Variants in MACF1 observed in about 807,000 individuals in gnomAD.
The protein encoded by MACF1 is microtubule-actin cross-linking factor 1.
A neutral mutation model predicts 854.8 loss-of-function variants in MACF1; 193 were observed. The observed-to-expected ratio is 0.23, with a 90% CI of 0.20 to 0.25. The LOEUF (loss-of-function observed/expected upper bound fraction) is 0.25, where lower values mean the gene tolerates loss of function less well. Ranked by LOEUF, MACF1 falls within the 10% of genes least tolerant of loss-of-function variation. MACF1 has a pLI of 1.00. For missense variants in MACF1, 7,722 were observed against 8,929.1 expected (o/e 0.86, Z 5.45); for synonymous variants, 3,185 against 3,226.7 (o/e 0.99, Z 0.44).
At position 39,221,636 on chromosome 1, in the gene MACF1, G is replaced by A. The variant is rs546304820; in HGVS notation, c.110-9546G>A. Among the ~76,000 whole-genome samples the A allele has an allele frequency of 5.1e-4, 77 of 152,190 alleles. 1 individual carries two copies. Among genetic ancestry groups the A allele is most frequent in the Non-Finnish European group, 9.3e-4 (63 of 68,012 alleles). ...TCTTGAACTCTGCCATTCCTTACCCGCCACCACATCTAAAGGCTATTTAAA... is the reference window on the plus strand; with the variant it reads ...TCTTGAACTCTGCCATTCCTTACCCACCACCACATCTAAAGGCTATTTAAA... On this transcript the variant is annotated intron_variant, in intron 1 of 100. Transcript: ENST00000564288.
intron 36 of MACF1, among the ~76,000 whole-genome samples, chr1:39,328,970 C>T (rs1486963926): frequency 6.6e-6 from 1 of 152,146 alleles, no homozygotes; most frequent in Non-Finnish European, 1.5e-5. Context: ...GAAAAGTTCT[C>T]AAAGGGATGT....
intron 99 of MACF1, among the ~76,000 whole-genome samples, chr1:39,482,368 G>A (rs1448271341): frequency 6.6e-6 from 1 of 152,144 alleles, no homozygotes; most frequent in Non-Finnish European, 1.5e-5. Context: ...AAGAAGTACA[G>A]CAAACAATGA....
intron 2 of MACF1, among the ~76,000 whole-genome samples, chr1:39,174,241 CT>C (rs1286493665): frequency 1.3e-5 from 2 of 152,166 alleles, no homozygotes; most frequent in Non-Finnish European, 2.9e-5. Flanking sequence ...TGTTACTTAA[CT>C]TTTCTCTTTA....
chr1:39,282,988 A>T (rs1443475918), intron 7 of MACF1: 3 of 517,392 alleles, frequency 5.8e-6, no homozygotes, highest in African/African-American at 5.8e-5. Flanking sequence ...CCTAAACTGT[A>T]TGTTTAAGTT....
Position 39,315,706 on chromosome 1 carries a change from G to A in MACF1, c.3449+15G>A, listed in dbSNP as rs376078107. ...TATCTGAATAAGTGAGTGAGCTGAG[G>A]TTTTGGGTCCAAGAGCAATATTTTC... On this transcript the variant is annotated intron_variant, in intron 27 of 100. Transcript: ENST00000564288. The A allele has an allele frequency of 6.2e-6, 10 of 1,611,288 alleles. No homozygotes were observed. The African/African-American group carries it at 1.1e-4, about 17-fold the overall frequency.
chr1:39,373,652 A>G (rs1172269984), intron 52 of MACF1, among the ~76,000 whole-genome samples: 1 of 151,356 alleles, frequency 6.6e-6, no homozygotes, highest in African/African-American at 2.4e-5. Flanking sequence ...CGGGAGTTCA[A>G]GACCAGCCTG....
intron 58 of MACF1, among the ~76,000 whole-genome samples, chr1:39,417,054 A>G (rs1027418780): frequency 5.3e-5 from 8 of 152,238 alleles, no homozygotes; most frequent in Non-Finnish European, 7.3e-5. Flanking sequence ...GAGGCAACTG[A>G]ACCTGCCATT....
chr1:39,138,325 T>A (rs1013533042), intron 2 of MACF1, among the ~76,000 whole-genome samples: 5 of 152,070 alleles, frequency 3.3e-5, no homozygotes, highest in Admixed American at 1.3e-4. Flanking sequence ...GGCTCACGCC[T>A]GTAATCCCAG....
At chr1:39,353,365 A>T (rs1371933863) in intron 44 of MACF1, 134 bp downstream of exon 44, 1 of 631,074 alleles carries the variant, frequency 1.6e-6, no homozygotes, top group Non-Finnish European at 2.7e-6. Flanking sequence ...AGCAGCTTTG[A>T]CACTGTTGGC....
chr1:39,476,928 T>C (rs1416145798), intron 97 of MACF1, among the ~76,000 whole-genome samples: 1 of 148,458 alleles, frequency 6.7e-6, no homozygotes, highest in African/African-American at 2.5e-5. Flanking sequence ...CAAGGACGCC[T>C]GCTCCCTTGC....
chr1:39,454,785 G>A (rs1644404253), intron 88 of MACF1, 124 bp from the exon 89 acceptor site: 2 of 825,904 alleles, frequency 2.4e-6, no homozygotes, highest in East Asian at 5.4e-5. Context: ...GGGTGACAGA[G>A]CGAGAGTCTG....
chr1:39,464,872 C>T (rs1446354597), intron 94 of MACF1: 22 of 494,146 alleles, frequency 4.5e-5, no homozygotes, highest in Non-Finnish European at 7.3e-6. Context: ...CATGATCGCG[C>T]CACTGCACTC....
chr1:39,337,617 G>A (rs1646837835), intron 38 of MACF1, among the ~76,000 whole-genome samples: 1 of 145,648 alleles, frequency 6.9e-6, no homozygotes, highest in Admixed American at 7.2e-5. Flanking sequence ...CCAGGGTGGA[G>A]TGCAGTAGCG....
chr1:39,268,781 G>A (rs948525288), intron 6 of MACF1: 3 of 1,289,584 alleles, frequency 2.3e-6, no homozygotes, highest in Non-Finnish European at 3.0e-6. Flanking sequence ...CTAAGAAAAG[G>A]GTTCGGTTCA....
intron 2 of MACF1, among the ~76,000 whole-genome samples, chr1:39,090,505 G>A (rs942000394): frequency 6.6e-6 from 1 of 152,244 alleles, no homozygotes; most frequent in Non-Finnish European, 1.5e-5. Flanking sequence ...CTTTCTCTGA[G>A]GTGCAGGGCC....
At chr1:39,216,074 T>A (rs1000087748) in intron 1 of MACF1, among the ~76,000 whole-genome samples, 3 of 152,098 alleles carry the variant, frequency 2.0e-5, no homozygotes, top group Admixed American at 2.0e-4. Context: ...TGGCCGTAGG[T>A]TTCCTTGGTT....
intron 85 of MACF1, among the ~76,000 whole-genome samples, chr1:39,451,661 A>T (rs1332142796): frequency 6.6e-6 from 1 of 152,234 alleles, no homozygotes; most frequent in East Asian, 1.9e-4. Flanking sequence ...CTGTTTCAGC[A>T]CAAGCATTTA....
intron 2 of MACF1, among the ~76,000 whole-genome samples, chr1:39,145,638 T>C (rs1197929121): frequency 3.9e-5 from 6 of 152,234 alleles, no homozygotes; most frequent in Non-Finnish European, 8.8e-5. Context: ...TTGTTTGTGA[T>C]GACTTGCTTG....
chr1:39,454,780 A>G, intron 88 of MACF1, 129 bp from the exon 89 acceptor site: 1 of 789,562 alleles, frequency 1.3e-6, no homozygotes, highest in Non-Finnish European at 2.0e-6. Context: ...AGTGTGGGTG[A>G]CAGAGCGAGA....
Sources: gnomAD v4.1 joint callset for allele counts (sites outside exome capture counted in the v4.1 genomes callset) on GRCh38, gnomAD v4.1.1 for gene constraint, MANE v1.5 for transcripts, NCBI Gene and HGNC (gene_info 2026-07-23, HGNC 2026-07-21) for gene names.